The following ERCC6 variants were observed in gnomAD, a reference collection of about 807,000 sequenced individuals.
ERCC6 encodes the protein DNA excision repair protein ERCC-6.
In ERCC6, 116 loss-of-function variants were observed where a neutral mutation model predicts 158.7. The observed-to-expected ratio is 0.73, with a 90% CI of 0.63 to 0.85. The LOEUF (loss-of-function observed/expected upper bound fraction) is 0.85. ERCC6 is among the 40% of genes least tolerant of loss of function. The probability of loss-of-function intolerance (pLI) is 0.00; values close to 1 mark genes in which losing one functional copy is unlikely to be tolerated. For synonymous variants in ERCC6, 678 were observed against 659.3 expected, an observed-to-expected ratio of 1.03 and a Z score of -0.43; for missense variants, 1,698 against 1,799.4, an observed-to-expected ratio of 0.94 and a Z score of 1.02.
chr10:49,497,825 T>C (rs1851292219), intron 7 of ERCC6, among the ~76,000 whole-genome samples: 1 of 152,168 alleles, frequency 6.6e-6, no homozygotes, highest in Non-Finnish European at 1.5e-5. Flanking sequence ...AGCCAATAGC[T>C]CCATGGTCAA....
chr10:49,487,990 C>T (rs957066569), intron 8 of ERCC6, among the ~76,000 whole-genome samples: 5 of 152,174 alleles, frequency 3.3e-5, no homozygotes, highest in Non-Finnish European at 5.9e-5. Context: ...TCTATAGCTG[C>T]CTAGACTGGA....
At chr10:49,487,005 T>C (rs1401145757) in intron 8 of ERCC6, among the ~76,000 whole-genome samples, 1 of 152,210 alleles carries the variant, frequency 6.6e-6, no homozygotes, top group Non-Finnish European at 1.5e-5. Context: ...AATACAAGAA[T>C]AGCTATCAGG....
chr10:49,450,898 G>A (rs867986075), downstream of ERCC6, among the ~76,000 whole-genome samples: 5 of 151,310 alleles, frequency 3.3e-5, no homozygotes, highest in Admixed American at 1.3e-4. Flanking sequence ...TGCAAGCTCC[G>A]CCTCCCAGGT....
At chr10:49,485,289 G>A (rs983583806) in intron 8 of ERCC6, among the ~76,000 whole-genome samples, 2 of 152,198 alleles carry the variant, frequency 1.3e-5, no homozygotes, top group Non-Finnish European at 2.9e-5. Context: ...CTAAGTGGTG[G>A]AGTCAGAATT....
At chr10:49,491,530 C>CA (rs1365372888) in intron 8 of ERCC6, among the ~76,000 whole-genome samples, 1 of 152,128 alleles carries the variant, frequency 6.6e-6, no homozygotes, top group African/African-American at 2.4e-5. Context: ...AAGGTAAAGC[C>CA]ACTGCAACCA....
chr10:49,445,115 T>A, the ERCC6 span, among the ~76,000 whole-genome samples: 2,346 of 152,172 alleles, frequency 0.015, 22 homozygotes, highest in Non-Finnish European at 0.024. Context: ...TTTCAGTAAA[T>A]GTAGAAAATG....
intron 11 of ERCC6, 97 bp downstream of exon 11, chr10:49,478,257 C>G (rs1850912558): frequency 2.2e-6 from 2 of 925,510 alleles, no homozygotes; most frequent in Admixed American, 1.7e-5. Context: ...CAGGATCATA[C>G]CTCACCAGAC....
rs1564443868 is a variant in ERCC6 at position 49,526,115 on chromosome 10, T to TA, written c.653-1339_653-1338insT. The stretch of plus-strand genomic sequence containing the variant: ...TTTATATATTTATATATTTATATAT[T>TA]TTTATATATATATATATATATATAT... On this transcript the variant is annotated intron_variant, in intron 4 of 20. Coordinates refer to ENST00000355832, the MANE Select transcript of ERCC6 (RefSeq NM_000124.4). Among the ~76,000 whole-genome samples, 179 of 105,120 alleles carry TA rather than the reference T, an allele frequency of 1.7e-3. 2 individuals carry two copies. The highest frequency in any genetic ancestry group is 2.5e-3 in the South Asian group (7 of 2,836). The allele number at this position is 105,120 out of a possible 152,430, so 69.0% of individuals were successfully genotyped here.
chr10:49,470,398 G>A lies in ERCC6; in HGVS notation c.3562C>T (p.His1188Tyr). The stretch of plus-strand genomic sequence containing the variant: ...AGGGTCTCTTCTTCTGCCACACTAT[G>A]ATGTTTTGTTTTTGACTTGTGCTTA... ...FYKHKSKTKH[H>Y]SVAEEETLEK... The change falls in exon 18 of 21, where the codon CAT becomes TAT. Residue 1188 changes from histidine to tyrosine, a missense_variant. Transcript: ENST00000355832. 1 of 1,614,114 alleles carries A rather than the reference G, an allele frequency of 6.2e-7. No homozygotes were observed. The highest frequency in any genetic ancestry group is 8.5e-7 in the Non-Finnish European group (1 of 1,180,014).
In ERCC6 at chr10:49,516,085, G is replaced by C. The variant is rs374295019; in HGVS notation, c.1397+7948C>G. The C allele has an allele frequency of 1.9e-6, 3 of 1,613,886 alleles. No individual in the cohort carries two copies. The African/African-American group carries it at 4.0e-5, about 22-fold the overall frequency. ...TTGAATACAAAATGGTATTGTCCAGGGTGTGCCTCTGTAAGTGCCTCACTA... is the reference window on the plus strand; with the variant it reads ...TTGAATACAAAATGGTATTGTCCAGCGTGTGCCTCTGTAAGTGCCTCACTA... On this transcript the variant is annotated intron_variant, in intron 5 of 20. Coordinates refer to ENST00000355832, the MANE Select transcript of ERCC6 (RefSeq NM_000124.4).
At chr10:49,477,794 C>G (rs1232811703) in intron 11 of ERCC6, among the ~76,000 whole-genome samples, 1 of 152,220 alleles carries the variant, frequency 6.6e-6, no homozygotes, top group Admixed American at 6.5e-5. Flanking sequence ...AGACTTGCTC[C>G]TTCGCCTTCT....
downstream of ERCC6, among the ~76,000 whole-genome samples, chr10:49,452,252 A>G (rs1314177811): frequency 6.6e-6 from 1 of 151,892 alleles, no homozygotes; most frequent in Non-Finnish European, 1.5e-5. Flanking sequence ...ATTTCCTCTA[A>G]GCACTTTTTT....
chr10:49,473,172 T>A (rs1327413116), intron 14 of ERCC6, 144 bp from the exon 15 acceptor site: 12 of 1,130,912 alleles, frequency 1.1e-5, no homozygotes, highest in Non-Finnish European at 1.4e-5. Flanking sequence ...CTCTGGTGAA[T>A]CAAAATCTCA....
In ERCC6 at chr10:49,458,878, C is replaced by G. The variant is rs2132523465; in HGVS notation, c.4419G>C (p.Leu1473=). 5.0e-6 allele frequency: 8 copies of G among 1,614,176 alleles called. 1 individual carries two copies. The highest frequency in any genetic ancestry group is 6.8e-6 in the Non-Finnish European group (8 of 1,180,022). The change falls in exon 21 of 21, where the codon CTG becomes CTC. Residue 1473 remains leucine, a synonymous_variant. Coordinates refer to ENST00000355832, the MANE Select transcript of ERCC6 (RefSeq NM_000124.4). ...CACCAGAAGTTCTATGGAAAGTGCA[C>G]AGATTTCTCAATAGTTCTCGGAAGA... ...SCVFRELLRN[L]CTFHRTSGGE... is the part of the protein sequence containing the mutation.
At chr10:49,500,341 T>C (rs1851335636) in intron 7 of ERCC6, among the ~76,000 whole-genome samples, 197 bp downstream of exon 7, 1 of 152,150 alleles carries the variant, frequency 6.6e-6, no homozygotes, top group Non-Finnish European at 1.5e-5. Flanking sequence ...ATTAAAAGTG[T>C]TACATGTTTA....
chr10:49,484,728 A>G (rs11101140), intron 8 of ERCC6, among the ~76,000 whole-genome samples: 28,530 of 152,236 alleles, frequency 0.19, 3,021 homozygotes, highest in East Asian at 0.47. Context: ...CAACGGCGCA[A>G]GATCCTGACT....
intron 1 of ERCC6, among the ~76,000 whole-genome samples, chr10:49,536,222 G>C (rs1411779472): frequency 1.3e-5 from 2 of 152,220 alleles, no homozygotes; most frequent in Non-Finnish European, 1.5e-5. Context: ...GAGGCCACAA[G>C]AGAGTGGCCT....
At chr10:49,493,374 G>A in intron 7 of ERCC6, 122 bp from the exon 8 acceptor site, 1 of 1,180,384 alleles carries the variant, frequency 8.5e-7, no homozygotes, top group Admixed American at 2.2e-5. Context: ...GCTAACTATG[G>A]AAATTTATTG....
At position 49,470,854 on chromosome 10, in the gene ERCC6, G is replaced by A. The variant is rs771450153; in HGVS notation, c.3106C>T (p.Leu1036=). The A allele has an allele frequency of 2.5e-6, 4 of 1,613,886 alleles. No individual in the cohort carries two copies. The highest frequency in any genetic ancestry group is 3.4e-6 in the Non-Finnish European group (4 of 1,179,974). The change falls in exon 18 of 21, where the codon CTA becomes TTA. Residue 1036 remains leucine, a synonymous_variant. Coordinates refer to ENST00000355832, the MANE Select transcript of ERCC6 (RefSeq NM_000124.4). The part of the protein sequence containing the change: ...GSDVQTPKCH[L]KRRIQPAFGA... ...AAGGCTGGTTGAATCCTTCTTTTTA[G>A]ATGGCATTTGGGTGTCTGAACATCT...
Sources: allele counts gnomAD v4.1 joint callset (sites outside exome capture counted in the v4.1 genomes callset), GRCh38; gene constraint gnomAD v4.1.1; transcripts MANE v1.5; gene names NCBI Gene and HGNC (gene_info 2026-07-23, HGNC 2026-07-21).